Variants in TMOD1 observed in about 807,000 individuals in gnomAD.
TMOD1 encodes tropomodulin-1.
A neutral mutation model predicts 40.6 loss-of-function variants in TMOD1; 17 were observed. The ratio of observed to expected loss-of-function variants is 0.42; its 90% CI spans 0.29 to 0.63. TMOD1 has a LOEUF of 0.63. Ranked by LOEUF, TMOD1 falls within the 20% of genes least tolerant of loss-of-function variation. TMOD1 has a pLI of 0.22. For missense variants in TMOD1, 391 were observed against 447.6 expected (o/e 0.87, Z 1.14); for synonymous variants, 181 against 175.0 (o/e 1.03, Z -0.27).
Position 97,591,308 on chromosome 9 carries a change from CA to C in TMOD1, c.891del (p.Val298TrpfsTer6). ...IDNQSQPLGNKVEMEIVSMLE... is the reference protein window; with the variant it reads ...IDNQSQPLGNXVEMEIVSMLE... Reference sequence around the variant, plus strand: ...GACTAAAGAGCCAGCCCCTGGGCAACAAAGTGGAAATGGAGATTGTGAGCAT... The same window carrying C: ...GACTAAAGAGCCAGCCCCTGGGCAACAAGTGGAAATGGAGATTGTGAGCAT... On this transcript the variant is annotated frameshift_variant, in exon 9 of 10. Transcript: ENST00000259365. LOFTEE classifies it high-confidence loss of function. 6.2e-7 allele frequency: 1 copy of C among 1,613,930 alleles called. No homozygotes were observed. The highest frequency in any genetic ancestry group is 8.5e-7 in the Non-Finnish European group (1 of 1,179,974).
chr9:97,511,108 A>ACACACACACACACACACG (rs1554752913), intron 1 of TMOD1, among the ~76,000 whole-genome samples: 2 of 149,714 alleles, frequency 1.3e-5, no homozygotes, highest in African/African-American at 4.9e-5. Flanking sequence ...ACACACACAC[A>ACACACACACACACACACG]CACAGGCTTT....
chr9:97,586,585 C>G (rs1432367118), intron 8 of TMOD1, among the ~76,000 whole-genome samples: 2 of 151,590 alleles, frequency 1.3e-5, no homozygotes, highest in African/African-American at 4.8e-5. Context: ...TGGGCAATGG[C>G]GGGCGCCCCT....
chr9:97,591,145 A>G (rs1825991138), intron 8 of TMOD1, 146 bp from the exon 9 acceptor site: 3 of 868,992 alleles, frequency 3.5e-6, no homozygotes, highest in Admixed American at 3.0e-5. Context: ...CAACTTCTCT[A>G]AACTTCCATT....
Position 97,601,178 on chromosome 9 carries a change from C to A in TMOD1, c.*1480C>A. 1 of 1,297,146 alleles carries A rather than the reference C, an allele frequency of 7.7e-7. No homozygotes were observed. The highest frequency in any genetic ancestry group is 1.0e-6 in the Non-Finnish European group (1 of 986,096). The allele number at this position is 1,297,146 out of a possible 1,614,324, so 80.4% of individuals were successfully genotyped here. The stretch of plus-strand genomic sequence containing the variant: ...AGGGACAACCATCCCCATTTGGCTT[C>A]TCCTTAAAACACAATTGCAGCTGCA... On this transcript the variant is annotated 3_prime_UTR_variant, in exon 10 of 10. Transcript: ENST00000259365.
chr9:97,581,249 GT>G (rs1456959196), intron 8 of TMOD1, among the ~76,000 whole-genome samples: 4 of 139,138 alleles, frequency 2.9e-5, no homozygotes, highest in Non-Finnish European at 4.6e-5. Context: ...GCGGTGTTTG[GT>G]TTTTTGTTCT....
At chr9:97,581,215 A>T (rs1292457114) in intron 8 of TMOD1, among the ~76,000 whole-genome samples, 1 of 130,718 alleles carries the variant, frequency 7.7e-6, no homozygotes, top group African/African-American at 3.0e-5. Flanking sequence ...TCATTGTTCA[A>T]TTCCCACCTA....
At chr9:97,599,002 CCCT>C (rs2131299355) in intron 9 of TMOD1, among the ~76,000 whole-genome samples, 1 of 152,312 alleles carries the variant, frequency 6.6e-6, no homozygotes, top group African/African-American at 2.4e-5. Flanking sequence ...CCCCTCCTGC[CCCT>C]CCCTGCATCC....
intron 8 of TMOD1, among the ~76,000 whole-genome samples, chr9:97,585,927 C>G (rs1433663931): frequency 2.1e-5 from 3 of 142,370 alleles, no homozygotes; most frequent in Non-Finnish European, 4.6e-5. Flanking sequence ...TCAAAATTTT[C>G]AACTTCTTTG....
chr9:97,599,742 T>G lies in TMOD1; in HGVS notation c.*44T>G. ...ATGCCTTTGAACTGGATGTGTTCTATTGATGACCTGTGCTCTGCAGGGGAA... is the reference window on the plus strand; with the variant it reads ...ATGCCTTTGAACTGGATGTGTTCTAGTGATGACCTGTGCTCTGCAGGGGAA... On this transcript the variant is annotated 3_prime_UTR_variant, in exon 10 of 10. Transcript: ENST00000259365. 6.2e-7 allele frequency: 1 copy of G among 1,613,688 alleles called. No individual in the cohort carries two copies. The highest frequency in any genetic ancestry group is 2.2e-5 in the East Asian group (1 of 44,874).
At chr9:97,561,662 C>A (rs1830642536) in intron 4 of TMOD1, among the ~76,000 whole-genome samples, 1 of 152,156 alleles carries the variant, frequency 6.6e-6, no homozygotes, top group African/African-American at 2.4e-5. Flanking sequence ...CAGTGATTGT[C>A]ACAGCTGTGT....
At chr9:97,587,850 A>G (rs1825914068) in intron 8 of TMOD1, among the ~76,000 whole-genome samples, 1 of 152,150 alleles carries the variant, frequency 6.6e-6, no homozygotes, top group African/African-American at 2.4e-5. Flanking sequence ...ATCATACAAT[A>G]TATGGCCTTT....
intron 4 of TMOD1, among the ~76,000 whole-genome samples, chr9:97,559,794 A>AAAAATATAT (rs1390791825): frequency 1.6e-3 from 37 of 23,132 alleles, no homozygotes; most frequent in Admixed American, 0.014. Flanking sequence ...AAAAAAAAAA[A>AAAAATATAT]ATATATATAT....
intron 4 of TMOD1, among the ~76,000 whole-genome samples, chr9:97,559,809 A>C (rs776816572): frequency 0.31 from 21,241 of 67,650 alleles, 3,237 homozygotes; most frequent in South Asian, 0.52. Context: ...ATATATATAT[A>C]TATATATATA....
chr9:97,569,308 G>A (rs968544942), intron 8 of TMOD1, among the ~76,000 whole-genome samples: 1 of 152,058 alleles, frequency 6.6e-6, no homozygotes, highest in Non-Finnish European at 1.5e-5. Flanking sequence ...CCATTCTTAG[G>A]CAATGAGAAC....
chr9:97,531,493 C>G (rs536129469), intron 2 of TMOD1, among the ~76,000 whole-genome samples: 2 of 152,214 alleles, frequency 1.3e-5, no homozygotes, highest in Admixed American at 6.5e-5. Context: ...CAACTGTAAT[C>G]CCAGCTACTT....
chr9:97,570,303 T>TCCTC (rs1830799200), intron 8 of TMOD1, among the ~76,000 whole-genome samples: 1 of 152,202 alleles, frequency 6.6e-6, no homozygotes, highest in Non-Finnish European at 1.5e-5. Flanking sequence ...TCATGGAATG[T>TCCTC]CCTCCCCTGC....
intron 2 of TMOD1, among the ~76,000 whole-genome samples, chr9:97,532,353 C>T (rs765661684): frequency 6.6e-6 from 1 of 152,096 alleles, no homozygotes; most frequent in Non-Finnish European, 1.5e-5. Context: ...GGAACCTCCT[C>T]GACCTGGAAC....
rs1013341370 is a variant in TMOD1 at position 97,524,420 on chromosome 9, T to C, written c.120+112T>C. Reference sequence around the variant, plus strand: ...CTTTTTCCTTCCATGGCAATGACATTGGTATAACTTTGCCTTTGCAGATTT... The same window carrying C: ...CTTTTTCCTTCCATGGCAATGACATCGGTATAACTTTGCCTTTGCAGATTT... On this transcript the variant is annotated intron_variant, in intron 2 of 9. Coordinates refer to ENST00000259365, the MANE Select transcript of TMOD1 (RefSeq NM_003275.4). The C allele has an allele frequency of 2.2e-6, 3 of 1,349,346 alleles. No homozygotes were observed. In the African/African-American group the frequency reaches 4.4e-5, roughly 20 times the overall value. 83.6% of individuals were successfully genotyped at this position (1,349,346 alleles called of 1,614,324 possible). A position where few individuals can be genotyped will look rare whatever the true frequency, so the allele number is the denominator to read the frequency against.
chr9:97,586,006 G>A (rs1227233988), intron 8 of TMOD1, among the ~76,000 whole-genome samples: 6 of 151,740 alleles, frequency 4.0e-5, no homozygotes, highest in East Asian at 3.9e-4. Flanking sequence ...CTCTCAGCTC[G>A]TGAAAGTCAT....
Sources: allele counts gnomAD v4.1 joint callset (sites outside exome capture counted in the v4.1 genomes callset), GRCh38; gene constraint gnomAD v4.1.1; transcripts MANE v1.5; gene names NCBI Gene and HGNC (gene_info 2026-07-23, HGNC 2026-07-21).